IL17RE: variants seen among roughly 807,000 people sequenced by gnomAD.
IL17RE encodes the protein interleukin 17 receptor E.
A neutral mutation model predicts 70.7 loss-of-function variants in IL17RE; 47 were observed. The ratio of observed to expected loss-of-function variants is 0.67; its 90% CI spans 0.53 to 0.85. The LOEUF is 0.85. Ranked by LOEUF, IL17RE falls within the 40% of genes least tolerant of loss-of-function variation. The pLI is 0.00. For synonymous variants in IL17RE, 372 were observed against 381.2 expected (o/e 0.98, Z 0.28); for missense variants, 850 against 893.9 (o/e 0.95, Z 0.63).
chr3:9,908,354 C>T (rs760669987), intron 7 of IL17RE, 47 bp downstream of exon 7: 2 of 1,537,840 alleles, frequency 1.3e-6, no homozygotes, highest in African/African-American at 1.4e-5. Flanking sequence ...TGCTCCTAAG[C>T]CCCCAAGGTA....
Position 9,911,108 on chromosome 3 carries a change from C to T in IL17RE, c.979-19C>T, listed in dbSNP as rs748532510. 1 of 1,613,982 alleles carries T rather than the reference C, an allele frequency of 6.2e-7. No individual in the cohort carries two copies. The highest frequency in any genetic ancestry group is 8.5e-7 in the Non-Finnish European group (1 of 1,179,846). ...GCCCAGGAATTTTCTCCCTGATGAA[C>T]TCTCCTCTCCTCCCACAGTGGTATG... On this transcript the variant is annotated intron_variant, in intron 9 of 15. Coordinates refer to ENST00000383814, the MANE Select transcript of IL17RE (RefSeq NM_153480.2).
At chr3:9,904,185 G>A in intron 3 of IL17RE, 34 bp downstream of exon 3, 1 of 1,608,804 alleles carries the variant, frequency 6.2e-7, no homozygotes, top group Non-Finnish European at 8.5e-7. Flanking sequence ...CATTCTCAGT[G>A]AAGAGAACAT....
At chr3:9,906,197 C>G (rs957434291) in intron 3 of IL17RE, among the ~76,000 whole-genome samples, 167 bp from the exon 4 acceptor site, 1 of 151,994 alleles carries the variant, frequency 6.6e-6, no homozygotes, top group Non-Finnish European at 1.5e-5. Context: ...TGCAGTGAGC[C>G]GAGATCGCGC....
chr3:9,906,759 C>T lies in IL17RE; in HGVS notation c.420C>T (p.Ile140=). 1.2e-6 allele frequency: 2 copies of T among 1,614,166 alleles called. No homozygotes were observed. Among genetic ancestry groups the T allele is most frequent in the Non-Finnish European group, 1.7e-6 (2 of 1,180,024 alleles). ...CTGAGAAGAGCCATCACATTTCCATCCCCTCCCCAGACATCTCCCACAAGG... is the reference window on the plus strand; with the variant it reads ...CTGAGAAGAGCCATCACATTTCCATTCCCTCCCCAGACATCTCCCACAAGG... ...HLSEKSHHIS[I]PSPDISHKGL... Residue 140 remains isoleucine, a synonymous_variant, in exon 5 of 16, where the codon ATC becomes ATT. Coordinates refer to ENST00000383814, the MANE Select transcript of IL17RE (RefSeq NM_153480.2).
intron 3 of IL17RE, among the ~76,000 whole-genome samples, chr3:9,905,457 A>AAAGGAAGG (rs576448059): frequency 1.3e-5 from 2 of 151,880 alleles, no homozygotes; most frequent in East Asian, 3.9e-4. Context: ...TCCTGTCAAG[A>AAAGGAAGG]AAGGAAGGAA....
chr3:9,904,009 G>C (rs377173139), intron 2 of IL17RE, 23 bp from the exon 3 acceptor site: 226 of 1,613,674 alleles, frequency 1.4e-4, no homozygotes, highest in Middle Eastern at 6.6e-4. Context: ...CCTATCATTT[G>C]CTTTCCCTTC....
At position 9,915,965 on chromosome 3, in the gene IL17RE, C is replaced by G; in HGVS notation, c.*158C>G. ...TGCCTCACAGGCCGGAAGTCCCAGC[C>G]CAGTCCCCGCGCGCGTCCCTCTTCC... On this transcript the variant is annotated 3_prime_UTR_variant, in exon 16 of 16. Coordinates refer to ENST00000383814, the MANE Select transcript of IL17RE (RefSeq NM_153480.2). The surrounding 1 kb of genome is among the most constrained non-coding windows in gnomAD (Gnocchi z 4.9). 5.5e-6 allele frequency: 7 copies of G among 1,266,142 alleles called. No homozygotes were observed. Among genetic ancestry groups the G allele is most frequent in the Non-Finnish European group, 7.1e-6 (7 of 987,578 alleles). The allele number at this position is 1,266,142 out of a possible 1,614,324, so 78.4% of individuals were successfully genotyped here.
chr3:9,914,854 C>G, intron 15 of IL17RE, 77 bp downstream of exon 15: 1 of 1,212,150 alleles, frequency 8.2e-7, no homozygotes, highest in South Asian at 1.3e-5. Context: ...CCTCCCCTGT[C>G]TGAGCTCTCA....
intron 3 of IL17RE, among the ~76,000 whole-genome samples, chr3:9,904,487 G>A (rs2125071044): frequency 6.6e-6 from 1 of 152,262 alleles, no homozygotes; most frequent in East Asian, 1.9e-4. Flanking sequence ...CATTGCTTAA[G>A]AATTGGCAGT....
intron 3 of IL17RE, among the ~76,000 whole-genome samples, chr3:9,905,861 T>C (rs116522752): frequency 6.6e-6 from 1 of 152,152 alleles, no homozygotes; most frequent in African/African-American, 2.4e-5. Context: ...AATATCTTTG[T>C]ATATATAGCT....
intron 6 of IL17RE, among the ~76,000 whole-genome samples, chr3:9,908,015 T>G (rs1035092291): frequency 8.5e-5 from 13 of 152,318 alleles, no homozygotes; most frequent in Non-Finnish European, 1.6e-4. Flanking sequence ...AATAAAGGAA[T>G]GTATTCCCTG....
At chr3:9,913,537 G>A (rs544340520) in intron 12 of IL17RE, among the ~76,000 whole-genome samples, 81 of 152,280 alleles carry the variant, frequency 5.3e-4, no homozygotes, top group African/African-American at 1.9e-3. Flanking sequence ...GACTACAAAG[G>A]CAACAGTTAA....
In IL17RE at chr3:9,904,055, C is replaced by T. The variant is rs759166537; in HGVS notation, c.172C>T (p.Arg58Cys). ...AGGAAGTTCTGCCTATATCCCTTGC[C>T]GCACCTGGTGGGCCCTCTTCTCCAC... is the stretch of plus-strand genomic sequence containing the variant. ...FTGSSAYIPCRTWWALFSTKP... is the reference protein window; with the variant it reads ...FTGSSAYIPCCTWWALFSTKP... The change falls in exon 3 of 16, where the codon CGC becomes TGC. Residue 58 changes from arginine to cysteine, a missense_variant. By Grantham distance (180) the Arg-to-Cys change is radical. Transcript: ENST00000383814. 73 of 1,614,016 alleles carry T rather than the reference C, an allele frequency of 4.5e-5. No homozygotes were observed. Among genetic ancestry groups the T allele is most frequent in the Middle Eastern group, 3.3e-4 (2 of 6,084 alleles).
Position 9,908,440 on chromosome 3 carries a change from A to G in IL17RE, c.735+133A>G, listed in dbSNP as rs79465568. ...TGTTACTGGCATGCTTAGGAAGACC[A>G]GCGCCAGCTTGGCTGTGAGCCACAC... On this transcript the variant is annotated intron_variant, in intron 7 of 15. Transcript: ENST00000383814. The G allele has an allele frequency of 2.4e-4, 182 of 749,750 alleles. 2 individuals are homozygous for G. In the East Asian group the frequency reaches 4.4e-3, roughly 18 times the overall value. 46.4% of individuals were successfully genotyped at this position (749,750 alleles called of 1,614,324 possible). A position where few individuals can be genotyped will look rare whatever the true frequency, so the allele number is the denominator to read the frequency against.
Position 9,903,404 on chromosome 3 carries a change from G to A in IL17RE, c.140G>A (p.Ser47Asn). 6.2e-7 allele frequency: 1 copy of A among 1,614,096 alleles called. No homozygotes were observed. Among genetic ancestry groups the A allele is most frequent in the Non-Finnish European group, 8.5e-7 (1 of 1,179,992 alleles). ...RCPLASHTDD[S>N]FTGSSAYIPC... is the part of the protein sequence containing the mutation. ...CTGGGCCCTGTGCCTCAGGATGACA[G>A]TTTCACTGGTGAGTCGCATTTCCTG... Residue 47 changes from serine (S) to asparagine (N), a missense_variant, in exon 2 of 16, where the codon AGT becomes AAT. By Grantham distance (46) the Ser-to-Asn change is conservative. Transcript: ENST00000383814.
intron 12 of IL17RE, chr3:9,911,901 A>C: frequency 4.6e-6 from 1 of 218,078 alleles, no homozygotes; most frequent in South Asian, 9.7e-5. Context: ...AGTATTTTCT[A>C]ATCCTTTCAG....
chr3:9,911,669 T>C, intron 12 of IL17RE, 72 bp downstream of exon 12: 1 of 1,405,682 alleles, frequency 7.1e-7, no homozygotes, highest in Non-Finnish European at 9.8e-7. Flanking sequence ...CTCATTGAGA[T>C]AGACCCTGGG....
intron 1 of IL17RE, 140 bp downstream of exon 1, chr3:9,903,204 G>A: frequency 2.1e-6 from 2 of 961,318 alleles, no homozygotes; most frequent in Non-Finnish European, 3.2e-6. Flanking sequence ...TCTCAAAGGG[G>A]TAGCCAAGGT....
Position 9,915,198 on chromosome 3 carries a change from G to A in IL17RE, c.1448-53G>A. 7.4e-7 allele frequency: 1 copy of A among 1,357,530 alleles called. No individual in the cohort carries two copies. The highest frequency in any genetic ancestry group is 9.4e-7 in the Non-Finnish European group (1 of 1,059,150). 84.1% of individuals were successfully genotyped at this position (1,357,530 alleles called of 1,614,324 possible). ...TATCCCGAGAGGGTGGGGAGAAGAGGGCTGAGCAGTCCCTCAGCCGCCCAG... is the reference window on the plus strand; with the variant it reads ...TATCCCGAGAGGGTGGGGAGAAGAGAGCTGAGCAGTCCCTCAGCCGCCCAG... On this transcript the variant is annotated intron_variant, in intron 15 of 15. Transcript: ENST00000383814. The surrounding 1 kb of genome is among the most constrained non-coding windows in gnomAD (Gnocchi z 4.9).
Sources: gnomAD v4.1 joint callset for allele counts (sites outside exome capture counted in the v4.1 genomes callset) on GRCh38, gnomAD v4.1.1 for gene constraint, Gnocchi (gnomAD v3.1) non-coding constraint, MANE v1.5 for transcripts, NCBI Gene and HGNC (gene_info 2026-07-23, HGNC 2026-07-21) for gene names.